AMZ1: variants seen among roughly 807,000 people sequenced by gnomAD.
AMZ1 encodes archaemetzincin-1.
AMZ1 carries 39 observed loss-of-function variants against 29.9 expected under a neutral mutation model. The ratio of observed to expected loss-of-function variants is 1.30; its 90% CI spans 1.01 to 1.70. AMZ1 has a LOEUF of 1.70. Ranked by LOEUF, AMZ1 falls within the 40% of genes most tolerant of loss-of-function variation. AMZ1 has a pLI of 0.00. For synonymous variants in AMZ1, 458 were observed against 304.0 expected (o/e 1.51, Z -5.27); for missense variants, 1,041 against 680.6 (o/e 1.53, Z -5.89).
intron 4 of AMZ1, among the ~76,000 whole-genome samples, chr7:2,738,922 T>G (rs1449095701): frequency 1.3e-5 from 2 of 152,210 alleles, no homozygotes; most frequent in African/African-American, 4.8e-5. Flanking sequence ...TTGCCCTGTG[T>G]GTAGCCTCGT....
At chr7:2,757,128 C>CTTTTTTTTT (rs1562409543) in intron 4 of AMZ1, among the ~76,000 whole-genome samples, 2 of 115,134 alleles carry the variant, frequency 1.7e-5, no homozygotes, top group Non-Finnish European at 1.8e-5. Context: ...ATCAGGTGGG[C>CTTTTTTTTT]CTTTTTTTTT....
chr7:2,712,793 TCTC>T lies in AMZ1; in HGVS notation c.1417_1419del (p.Ser473del), dbSNP rs771169713. On this transcript the variant is annotated inframe_deletion, in exon 7 of 7. Transcript: ENST00000683327. ...CTGCGCAAGGTGCTGGGGGACAAGTTCTCCTCCCTGAGGAGGAAGCTGAGTGCC... is the reference window on the plus strand; with the variant it reads ...CTGCGCAAGGTGCTGGGGGACAAGTTCTCCCTGAGGAGGAAGCTGAGTGCC... 1.4e-5 allele frequency: 22 copies of T among 1,561,452 alleles called. 1 individual carries two copies. The highest frequency in any genetic ancestry group is 1.3e-4 in the South Asian group (11 of 83,026).
chr7:2,690,260 C>G (rs189371095), intron 1 of AMZ1, among the ~76,000 whole-genome samples: 1 of 152,098 alleles, frequency 6.6e-6, no homozygotes, highest in Non-Finnish European at 1.5e-5. Context: ...GCTCTGTCTT[C>G]CAGGCTGGAA....
chr7:2,731,798 CAG>C lies in AMZ1; in HGVS notation n.550+21986_550+21987del. 1.0e-6 allele frequency: 1 copy of C among 986,582 alleles called. No homozygotes were observed. Among genetic ancestry groups the C allele is most frequent in the Non-Finnish European group, 1.4e-6 (1 of 692,904 alleles). 61.1% of individuals were successfully genotyped at this position (986,582 alleles called of 1,614,324 possible). ...GAAATTTAGGGGGAGGAAGAAAGAA[CAG>C]AGAAAATAGAAACAAAAAGATGGCA... On this transcript the variant is annotated intron_variant and non_coding_transcript_variant, in intron 4 of 4. Coordinates refer to the AMZ1 transcript ENST00000489665. The surrounding 1 kb of genome is among the most constrained non-coding windows in gnomAD (Gnocchi z 6.0).
intron 5 of AMZ1, 125 bp from the exon 6 acceptor site, chr7:2,709,515 T>G (rs4721976): frequency 3.5e-6 from 5 of 1,421,038 alleles, no homozygotes; most frequent in South Asian, 1.4e-5. Flanking sequence ...GGAGGGCGCC[T>G]GGACCACCTC....
intron 1 of AMZ1, among the ~76,000 whole-genome samples, chr7:2,696,613 G>A (rs1279875434): frequency 2.6e-5 from 4 of 151,586 alleles, no homozygotes; most frequent in Non-Finnish European, 5.9e-5. Flanking sequence ...GGCCGGGCAC[G>A]GTGGCTCATG....
rs1484799056 is a variant in AMZ1, at chr7:2,712,348, C to G, written c.967C>G (p.Gln323Glu). Reference protein sequence around the residue: ...ERYQRLYTWTQAVVGTWPSQE... With the variant: ...ERYQRLYTWTEAVVGTWPSQE... ...CTCTTAGAGACTCTACACCTGGACT[C>G]AGGCGGTGGTGGGGACGTGGCCCAG... Residue 323 changes from glutamine to glutamate, a missense_variant, in exon 7 of 7, where the codon CAG becomes GAG. Transcript: ENST00000683327. The G allele has an allele frequency of 6.3e-7, 1 of 1,593,334 alleles. No homozygotes were observed. The highest frequency in any genetic ancestry group is 1.3e-5 in the African/African-American group (1 of 74,642).
At chr7:2,682,220 G>T (rs117699335) in intron 1 of AMZ1, among the ~76,000 whole-genome samples, 1 of 151,138 alleles carries the variant, frequency 6.6e-6, no homozygotes, top group Non-Finnish European at 1.5e-5. Context: ...GCCTCCCCCC[G>T]CTCTTCGTGC....
At chr7:2,721,500 A>G (rs949075611), downstream of AMZ1, among the ~76,000 whole-genome samples, 1 of 152,092 alleles carries the variant, frequency 6.6e-6, no homozygotes, top group Non-Finnish European at 1.5e-5. Context: ...GTGGATCACG[A>G]GGTCAGGAGA....
upstream of AMZ1, among the ~76,000 whole-genome samples, chr7:2,687,099 C>T (rs574468273): frequency 5.9e-5 from 9 of 151,904 alleles, no homozygotes; most frequent in South Asian, 2.1e-4. Context: ...GAGGCTGAGG[C>T]GGGTGTATCA....
intron 4 of AMZ1, among the ~76,000 whole-genome samples, chr7:2,733,845 A>T (rs574284280): frequency 1.3e-5 from 2 of 152,282 alleles, no homozygotes; most frequent in South Asian, 4.1e-4. Context: ...GCGGCCAGCA[A>T]AGGACAGGCT....
At chr7:2,719,711 G>A (rs376847209), downstream of AMZ1, among the ~76,000 whole-genome samples, 3 of 145,814 alleles carry the variant, frequency 2.1e-5, no homozygotes, top group Non-Finnish European at 3.0e-5. Context: ...ATGGAGTTTC[G>A]CTCTTGTTGC....
Position 2,701,084 on chromosome 7 carries a change from C to T in AMZ1, c.304+329C>T, listed in dbSNP as rs552547439. ...TGTGCTGCGGGCTGTATAAAGATCA[C>T]GCCGGGTGTGGTGGTGCACACCTGT... On this transcript the variant is annotated intron_variant, in intron 2 of 6. Transcript: ENST00000683327. 2.6e-5 allele frequency among the ~76,000 whole-genome samples: 4 copies of T among 152,270 alleles called. No homozygotes were observed. In the East Asian group the frequency reaches 5.8e-4, roughly 22 times the overall value.
chr7:2,696,073 C>T (rs1374337888), intron 1 of AMZ1, among the ~76,000 whole-genome samples: 1 of 151,068 alleles, frequency 6.6e-6, no homozygotes, highest in Non-Finnish European at 1.5e-5. Flanking sequence ...TCTGTGTGTT[C>T]CAACCCCCCT....
At chr7:2,743,554 G>A (rs958409482) in intron 4 of AMZ1, among the ~76,000 whole-genome samples, 2 of 152,174 alleles carry the variant, frequency 1.3e-5, no homozygotes, top group African/African-American at 4.8e-5. Flanking sequence ...CAGAGGTCAG[G>A]GAGGATCCAA....
intron 1 of AMZ1, among the ~76,000 whole-genome samples, chr7:2,696,257 A>ACTT (rs1554246534): frequency 8.2e-6 from 1 of 122,056 alleles, no homozygotes. Flanking sequence ...CTTGATAGTC[A>ACTT]TTTTTTTTTT....
chr7:2,759,195 A>C (rs1791445106), intron 4 of AMZ1, among the ~76,000 whole-genome samples: 1 of 151,408 alleles, frequency 6.6e-6, no homozygotes, highest in African/African-American at 2.4e-5. Flanking sequence ...AAATAAAATA[A>C]AAATAAAAAC....
intron 4 of AMZ1, among the ~76,000 whole-genome samples, chr7:2,734,191 G>A (rs768675560): frequency 6.6e-6 from 1 of 152,190 alleles, no homozygotes; most frequent in Non-Finnish European, 1.5e-5. Context: ...TTCAGGAAGC[G>A]CTGAGCCGCC....
At chr7:2,686,880 A>G (rs1787098753), upstream of AMZ1, among the ~76,000 whole-genome samples, 1 of 151,414 alleles carries the variant, frequency 6.6e-6, no homozygotes, top group Non-Finnish European at 1.5e-5. Context: ...ACGCCCAGCT[A>G]ATTTTTTTAT....
Sources: allele counts gnomAD v4.1 joint callset (sites outside exome capture counted in the v4.1 genomes callset), GRCh38; gene constraint gnomAD v4.1.1; non-coding constraint Gnocchi (gnomAD v3.1); transcripts MANE v1.5; gene names NCBI Gene and HGNC (gene_info 2026-07-23, HGNC 2026-07-21).